Variants in SERPINB2 observed in about 807,000 individuals in gnomAD.
The protein encoded by SERPINB2 is serpin family B member 2.
In SERPINB2, 28 loss-of-function variants were observed where a neutral mutation model predicts 39.4. The observed-to-expected ratio is 0.71, with a 90% CI of 0.53 to 0.97. SERPINB2 has a LOEUF of 0.97. SERPINB2 is among the 50% of genes least tolerant of loss of function. The probability of loss-of-function intolerance (pLI) is 0.00; values close to 1 mark genes in which losing one functional copy is unlikely to be tolerated. For missense variants in SERPINB2, 557 were observed against 505.3 expected (o/e 1.10, Z -0.98); for synonymous variants, 209 against 175.1 (o/e 1.19, Z -1.53).
At position 63,903,205 on chromosome 18, in the gene SERPINB2, A is replaced by G. The variant is rs900292382; in HGVS notation, c.1148A>G (p.His383Arg). The G allele has an allele frequency of 1.2e-6, 2 of 1,613,152 alleles. No homozygotes were observed. Among genetic ancestry groups the G allele is most frequent in the Non-Finnish European group, 1.7e-6 (2 of 1,179,524 alleles). ...TGGVMTGRTG[H>R]GGPQFVADHP... ...GGTGTTATGACAGGGAGAACTGGAC[A>G]TGGAGGCCCACAGTTTGTGGCAGAT... The change falls in exon 8 of 8, where the codon CAT becomes CGT. Residue 383 changes from histidine (H) to arginine (R), a missense_variant. Physicochemically the swap from His to Arg is conservative, Grantham distance 29. Coordinates refer to ENST00000299502, the MANE Select transcript of SERPINB2 (RefSeq NM_002575.3).
chr18:63,899,736 A>C (rs1297440584), intron 5 of SERPINB2, among the ~76,000 whole-genome samples: 2 of 152,132 alleles, frequency 1.3e-5, no homozygotes, highest in South Asian at 2.1e-4. Flanking sequence ...TAAAAATTTT[A>C]TAACTTATTT....
intron 2 of SERPINB2, among the ~76,000 whole-genome samples, chr18:63,892,408 C>A (rs1017864277): frequency 2.0e-5 from 3 of 152,196 alleles, no homozygotes; most frequent in Non-Finnish European, 4.4e-5. Context: ...ACACTGCAAT[C>A]GTTACTGTAA....
At chr18:63,898,664 G>T (rs1473838472) in intron 5 of SERPINB2, among the ~76,000 whole-genome samples, 1 of 152,200 alleles carries the variant, frequency 6.6e-6, no homozygotes, top group Non-Finnish European at 1.5e-5. Context: ...TAGAGTAGTA[G>T]TCAGTGCTTT....
chr18:63,891,542 G>A lies in SERPINB2; in HGVS notation c.98G>A (p.Trp33Ter), dbSNP rs1272336560. The A allele has an allele frequency of 6.2e-7, 1 of 1,614,132 alleles. No individual in the cohort carries two copies. Among genetic ancestry groups the A allele is most frequent in the Admixed American group, 1.7e-5 (1 of 60,012 alleles). The part of the protein sequence containing the change: ...SPTQNLFLSP[W>*]SISSTMAMVY... The stretch of plus-strand genomic sequence containing the variant: ...ACCCAGAACCTCTTCCTCTCCCCAT[G>A]GAGCATCTCGTCCACCATGGCCATG... Residue 33 changes from tryptophan (W) to a stop codon, truncating the protein, a stop_gained, in exon 2 of 8, where the codon TGG becomes TAG. Transcript: ENST00000299502. LOFTEE classifies it high-confidence loss of function.
Position 63,902,663 on chromosome 18 carries a change from C to T in SERPINB2, c.843+95C>T, listed in dbSNP as rs554395633. On this transcript the variant is annotated intron_variant, in intron 7 of 7. Transcript: ENST00000299502. ...CCTTACAAATGGTGTGGTAATTTCT[C>T]ATGGAAATATATGAAACAGTTGATA... 8 of 1,279,348 alleles carry T rather than the reference C, an allele frequency of 6.3e-6. No individual in the cohort carries two copies. In the African/African-American group the frequency reaches 1.0e-4, roughly 17 times the overall value. The allele number at this position is 1,279,348 out of a possible 1,614,324, so 79.2% of individuals were successfully genotyped here. A position where few individuals can be genotyped will look rare whatever the true frequency, so the allele number is the denominator to read the frequency against.
At chr18:63,900,720 A>T (rs1207026588) in intron 5 of SERPINB2, among the ~76,000 whole-genome samples, 1 of 152,148 alleles carries the variant, frequency 6.6e-6, no homozygotes, top group African/African-American at 2.4e-5. Context: ...CACTGCTTCC[A>T]TCCTGTCCCT....
chr18:63,899,875 ATATT>A (rs2049981867), intron 5 of SERPINB2, among the ~76,000 whole-genome samples: 1 of 152,242 alleles, frequency 6.6e-6, no homozygotes, highest in Non-Finnish European at 1.5e-5. Flanking sequence ...CAAAAAATAT[ATATT>A]TATTTGTTTA....
At chr18:63,902,339 G>A in intron 6 of SERPINB2, 65 bp from the exon 7 acceptor site, 1 of 1,386,138 alleles carries the variant, frequency 7.2e-7, no homozygotes, top group Non-Finnish European at 9.7e-7. Flanking sequence ...CCTCCTTTAT[G>A]TCTAATTGTA....
chr18:63,892,996 G>A (rs1439799633), intron 2 of SERPINB2, among the ~76,000 whole-genome samples: 5 of 151,800 alleles, frequency 3.3e-5, no homozygotes, highest in African/African-American at 1.2e-4. Context: ...GCAGTGGTGC[G>A]ATCTTGGCTC....
chr18:63,903,464 A>G lies in SERPINB2; in HGVS notation c.*159A>G. ...TAAATAAAAACACAGAAATAATTAG[A>G]CAATTGTCTATTATAACATGACAAC... is the stretch of plus-strand genomic sequence containing the variant. On this transcript the variant is annotated 3_prime_UTR_variant, in exon 8 of 8. Coordinates refer to ENST00000299502, the MANE Select transcript of SERPINB2 (RefSeq NM_002575.3). The G allele has an allele frequency of 1.7e-6, 1 of 594,950 alleles. No homozygotes were observed. The highest frequency in any genetic ancestry group is 2.6e-6 in the Non-Finnish European group (1 of 385,586). The allele number at this position is 594,950 out of a possible 1,614,324, so 36.9% of individuals were successfully genotyped here.
Position 63,897,219 on chromosome 18 carries a change from A to G in SERPINB2, c.417A>G (p.Glu139=), listed in dbSNP as rs1489868818. The G allele has an allele frequency of 3.0e-5, 49 of 1,607,640 alleles. No individual in the cohort carries two copies. Among genetic ancestry groups the G allele is most frequent in the Non-Finnish European group, 4.1e-5 (48 of 1,177,302 alleles). The change falls in exon 4 of 8, where the codon GAA becomes GAG. Residue 139 remains glutamate, a splice_region_variant and synonymous_variant. Coordinates refer to ENST00000299502, the MANE Select transcript of SERPINB2 (RefSeq NM_002575.3). ...LFGEKSASFR[E]EYIRLCQKYY... is the part of the protein sequence containing the mutation. ...GTGAGAAGTCTGCGAGCTTCCGGGA[A>G]GTAAGTGAAACCTGTAATTGAAATG...
intron 5 of SERPINB2, among the ~76,000 whole-genome samples, 169 bp downstream of exon 5, chr18:63,898,013 G>A (rs950755945): frequency 6.6e-6 from 1 of 152,202 alleles, no homozygotes; most frequent in Non-Finnish European, 1.5e-5. Flanking sequence ...TTTTAACTGA[G>A]AAGAAATAAT....
At chr18:63,901,618 T>G (rs1188754795) in intron 5 of SERPINB2, 122 bp from the exon 6 acceptor site, 2 of 656,592 alleles carry the variant, frequency 3.0e-6, no homozygotes, top group East Asian at 3.2e-5. Context: ...TAAAAAACTT[T>G]AGCTTGAAGA....
Position 63,902,527 on chromosome 18 carries a change from C to G in SERPINB2, c.802C>G (p.Leu268Val). ...YAGDVSMFLL[L>V]PDEIADVSTG... Reference sequence around the variant, plus strand: ...TGGAGATGTTAGCATGTTCTTGTTGCTTCCAGATGAAATTGCCGATGTGTC... The same window carrying G: ...TGGAGATGTTAGCATGTTCTTGTTGGTTCCAGATGAAATTGCCGATGTGTC... Residue 268 changes from leucine to valine, a missense_variant, in exon 7 of 8, where the codon CTT (leucine) becomes GTT (valine). Leu to Val is a conservative substitution (Grantham distance 32, BLOSUM62 1). Coordinates refer to ENST00000299502, the MANE Select transcript of SERPINB2 (RefSeq NM_002575.3). 2 of 1,613,444 alleles carry G rather than the reference C, an allele frequency of 1.2e-6. No individual in the cohort carries two copies. The highest frequency in any genetic ancestry group is 1.7e-6 in the Non-Finnish European group (2 of 1,179,596).
At chr18:63,891,926 C>T (rs2049929270) in intron 2 of SERPINB2, among the ~76,000 whole-genome samples, 2 of 151,868 alleles carry the variant, frequency 1.3e-5, no homozygotes, top group Admixed American at 6.6e-5. Flanking sequence ...GTGTTTTGTA[C>T]CCATTATCTC....
chr18:63,900,636 G>A (rs1455834857), intron 5 of SERPINB2, among the ~76,000 whole-genome samples: 1 of 152,100 alleles, frequency 6.6e-6, no homozygotes, highest in Non-Finnish European at 1.5e-5. Context: ...TAACTTTTGG[G>A]TCATCAGGTC....
At chr18:63,894,088 T>C (rs535947150) in intron 2 of SERPINB2, among the ~76,000 whole-genome samples, 76 of 152,290 alleles carry the variant, frequency 5.0e-4, no homozygotes, top group African/African-American at 1.7e-3. Flanking sequence ...TCTGTGGCCT[T>C]TGTGTGGACT....
chr18:63,903,049 A>G lies in SERPINB2; in HGVS notation c.992A>G (p.Asp331Gly). The G allele has an allele frequency of 6.2e-7, 1 of 1,613,840 alleles. No homozygotes were observed. The change falls in exon 8 of 8, where the codon GAC (aspartate) becomes GGC (glycine). Residue 331 changes from aspartate (D) to glycine (G), a missense_variant. Coordinates refer to ENST00000299502, the MANE Select transcript of SERPINB2 (RefSeq NM_002575.3). The part of the protein sequence containing the change: ...RSILRSMGME[D>G]AFNKGRANFS... ...ATTCTGAGAAGCATGGGCATGGAGG[A>G]CGCCTTCAACAAGGGACGGGCCAAT... is the stretch of plus-strand genomic sequence containing the variant.
At chr18:63,896,819 A>AG (rs1568236609) in intron 3 of SERPINB2, among the ~76,000 whole-genome samples, 1 of 152,230 alleles carries the variant, frequency 6.6e-6, no homozygotes, top group African/African-American at 2.4e-5. Flanking sequence ...GAAACTGAGA[A>AG]GGGGCCTTTC....
Sources: allele counts gnomAD v4.1 joint callset (sites outside exome capture counted in the v4.1 genomes callset), GRCh38; gene constraint gnomAD v4.1.1; transcripts MANE v1.5; gene names NCBI Gene and HGNC (gene_info 2026-07-23, HGNC 2026-07-21).